KIAA0825: variants seen among roughly 807,000 people sequenced by gnomAD.
The protein encoded by KIAA0825 is KIAA0825, also known as uncharacterized protein KIAA0825.
Under a neutral mutation model 147.6 loss-of-function variants are expected in KIAA0825, and 119 were observed. The observed-to-expected ratio is 0.81, with a 90% CI of 0.69 to 0.94. KIAA0825 has a LOEUF of 0.94. Ranked by LOEUF, KIAA0825 falls within the 40% of genes least tolerant of loss-of-function variation. The pLI is 0.00. For missense variants in KIAA0825, 1,381 were observed against 1,472.7 expected (o/e 0.94, Z 1.02); for synonymous variants, 470 against 518.1 (o/e 0.91, Z 1.26).
At chr5:94,439,910 G>C in intron 14 of KIAA0825, 72 bp downstream of exon 14, 1 of 1,450,160 alleles carries the variant, frequency 6.9e-7, no homozygotes, top group Admixed American at 2.3e-5. Context: ...TGTTTGCCTA[G>C]GAAAAAAATG....
chr5:94,403,451 T>C, intron 16 of KIAA0825, 118 bp downstream of exon 16: 2 of 713,752 alleles, frequency 2.8e-6, no homozygotes, highest in South Asian at 3.8e-5. Flanking sequence ...ATCTACTTAA[T>C]GGAAGGAAGA....
rs974917159 is a variant in KIAA0825, at chr5:94,152,321, A to G, written c.*1686T>C. 6.6e-6 allele frequency among the ~76,000 whole-genome samples: 1 copy of G among 152,192 alleles called. No individual in the cohort carries two copies. The highest frequency in any genetic ancestry group is 2.4e-5 in the African/African-American group (1 of 41,448). On this transcript the variant is annotated 3_prime_UTR_variant, in exon 21 of 21. Transcript: ENST00000682413. The stretch of plus-strand genomic sequence containing the variant: ...AAAATCACAGAATGTGGGAGTATGG[A>G]CAATTTATTATATATCTGAGAACAT...
chr5:94,425,625 A>G (rs1287179180), intron 14 of KIAA0825, among the ~76,000 whole-genome samples: 1 of 151,990 alleles, frequency 6.6e-6, no homozygotes, highest in Non-Finnish European at 1.5e-5. Flanking sequence ...AAACAAAACA[A>G]AGCAAAACCA....
At chr5:94,333,815 CAG>C (rs1781520291) in intron 20 of KIAA0825, among the ~76,000 whole-genome samples, 1 of 152,144 alleles carries the variant, frequency 6.6e-6, no homozygotes, top group Non-Finnish European at 1.5e-5. Flanking sequence ...AACAGACACA[CAG>C]AGAGCCAAAT....
At chr5:94,468,274 C>A (rs1031486945) in intron 10 of KIAA0825, among the ~76,000 whole-genome samples, 2 of 152,312 alleles carry the variant, frequency 1.3e-5, no homozygotes, top group East Asian at 3.9e-4. Flanking sequence ...AAACATAATA[C>A]CCCTATGTTG....
At chr5:94,434,753 C>T (rs2150808624) in intron 14 of KIAA0825, among the ~76,000 whole-genome samples, 1 of 152,246 alleles carries the variant, frequency 6.6e-6, no homozygotes, top group East Asian at 1.9e-4. Flanking sequence ...GTGGGCTAAA[C>T]TCATCCTTTT....
chr5:94,487,098 G>C (rs7721993), intron 5 of KIAA0825, among the ~76,000 whole-genome samples: 1 of 152,124 alleles, frequency 6.6e-6, no homozygotes, highest in South Asian at 2.1e-4. Context: ...ACAATTATGC[G>C]AGGTCTGAGG....
intron 2 of KIAA0825, among the ~76,000 whole-genome samples, chr5:94,540,019 C>T (rs1044457620): frequency 1.3e-4 from 20 of 152,270 alleles, no homozygotes; most frequent in African/African-American, 4.6e-4. Flanking sequence ...GAAAAGACCC[C>T]TTTGTGACCA....
intron 2 of KIAA0825, among the ~76,000 whole-genome samples, chr5:94,572,840 C>T (rs755558219): frequency 1.3e-5 from 2 of 152,086 alleles, no homozygotes; most frequent in Non-Finnish European, 2.9e-5. Flanking sequence ...TGATGAGTGT[C>T]TCACTTTTGA....
At chr5:94,607,934 A>G (rs185121847) in intron 1 of KIAA0825, among the ~76,000 whole-genome samples, 3 of 152,174 alleles carry the variant, frequency 2.0e-5, no homozygotes, top group Admixed American at 6.5e-5. Flanking sequence ...CCACTGCATT[A>G]TTCAGATTTC....
chr5:94,602,503 C>T (rs762159996), intron 1 of KIAA0825, among the ~76,000 whole-genome samples: 5 of 152,110 alleles, frequency 3.3e-5, no homozygotes, highest in Non-Finnish European at 5.9e-5. Flanking sequence ...TTGTAGTTCT[C>T]GTAATCCCAA....
chr5:94,519,955 A>C (rs1395999642), intron 5 of KIAA0825: 3 of 985,482 alleles, frequency 3.0e-6, no homozygotes, highest in Non-Finnish European at 3.7e-6. Context: ...GTGTATACAC[A>C]CAGTTTCACA....
intron 20 of KIAA0825, among the ~76,000 whole-genome samples, chr5:94,173,763 C>T (rs1349420281): frequency 6.6e-6 from 1 of 152,088 alleles, no homozygotes; most frequent in Non-Finnish European, 1.5e-5. Flanking sequence ...GTACTGCTGC[C>T]ATCATCTTTA....
intron 20 of KIAA0825, among the ~76,000 whole-genome samples, chr5:94,326,685 G>A (rs29952): frequency 0.2 from 29,927 of 152,124 alleles, 3,464 homozygotes; most frequent in Middle Eastern, 0.26. Flanking sequence ...TATTCCTTAT[G>A]TAAGTGCCAC....
At chr5:94,241,966 C>A (rs1427772535) in intron 20 of KIAA0825, among the ~76,000 whole-genome samples, 1 of 152,112 alleles carries the variant, frequency 6.6e-6, no homozygotes, top group East Asian at 1.9e-4. Context: ...TTTACTTTAT[C>A]TCTCTCTCAT....
intron 2 of KIAA0825, among the ~76,000 whole-genome samples, chr5:94,578,895 G>T (rs1005432418): frequency 6.6e-6 from 1 of 152,104 alleles, no homozygotes; most frequent in South Asian, 2.1e-4. Context: ...AAGGTTCAGA[G>T]TTCAAACTCT....
rs190171582 is a variant in KIAA0825, at chr5:94,486,208, T to C, written c.971-1278A>G. ...AGATAGCTTGAAGCTTAATCATAAA[T>C]TGGAAAATTTGTAAACTCCTACAAA... On this transcript the variant is annotated intron_variant, in intron 5 of 20. Coordinates refer to ENST00000682413, the MANE Select transcript of KIAA0825 (RefSeq NM_001145678.3). 2.6e-5 allele frequency among the ~76,000 whole-genome samples: 4 copies of C among 152,130 alleles called. No homozygotes were observed. In the East Asian group the frequency reaches 7.7e-4, roughly 29 times the overall value.
chr5:94,373,261 C>T (rs1052976928), intron 20 of KIAA0825, among the ~76,000 whole-genome samples: 3 of 152,282 alleles, frequency 2.0e-5, no homozygotes, highest in African/African-American at 7.2e-5. Flanking sequence ...GTTCCAAAGT[C>T]GCTTCCACAT....
Position 94,419,586 on chromosome 5 carries a change from G to A in KIAA0825, c.2498-2221C>T, listed in dbSNP as rs184082120. On this transcript the variant is annotated intron_variant, in intron 14 of 20. Transcript: ENST00000682413. The stretch of plus-strand genomic sequence containing the variant: ...TCCATGCCATTTCTTCAGGCTATAT[G>A]TGTTTTCCTCCAATAAAATCATCAT... 5.6e-3 allele frequency among the ~76,000 whole-genome samples: 856 copies of A among 152,184 alleles called. 10 individuals carry two copies. Among genetic ancestry groups the A allele is most frequent in the Non-Finnish European group, 5.7e-3 (389 of 68,004 alleles).
Sources: gnomAD v4.1 joint callset for allele counts (sites outside exome capture counted in the v4.1 genomes callset) on GRCh38, gnomAD v4.1.1 for gene constraint, MANE v1.5 for transcripts, NCBI Gene and HGNC (gene_info 2026-07-23, HGNC 2026-07-21) for gene names.